LAP3: variants seen among roughly 807,000 people sequenced by gnomAD.
The protein encoded by LAP3 is cytosol aminopeptidase.
LAP3 carries 46 observed loss-of-function variants against 58.8 expected under a neutral mutation model. That is an observed-to-expected ratio of 0.78 (90% CI 0.62 to 1.00). The LOEUF (loss-of-function observed/expected upper bound fraction) is 1.00, where lower values mean the gene tolerates loss of function less well. Ranked by LOEUF, LAP3 falls within the 50% of genes least tolerant of loss-of-function variation. LAP3 has a pLI of 0.00. For synonymous variants in LAP3, 257 were observed against 237.7 expected (o/e 1.08, Z -0.75); for missense variants, 615 against 659.1 (o/e 0.93, Z 0.73).
intron 7 of LAP3, among the ~76,000 whole-genome samples, chr4:17,594,073 A>G (rs1713769928): frequency 6.6e-6 from 1 of 152,078 alleles, no homozygotes; most frequent in African/African-American, 2.4e-5. Flanking sequence ...TCCAAATGAC[A>G]GAGGGTAGTA....
intron 2 of LAP3, among the ~76,000 whole-genome samples, chr4:17,580,684 C>A (rs1052762195): frequency 8.5e-5 from 13 of 152,090 alleles, no homozygotes; most frequent in South Asian, 4.1e-4. Context: ...GGGTTTTGCT[C>A]TTTTATTGCC....
intron 10 of LAP3, among the ~76,000 whole-genome samples, chr4:17,602,899 C>G (rs1335200022): frequency 6.6e-6 from 1 of 151,812 alleles, no homozygotes; most frequent in African/African-American, 2.4e-5. Context: ...TCAGGCTGGT[C>G]TCGAACTCCT....
At chr4:17,603,263 G>A (rs1003937015) in intron 10 of LAP3, among the ~76,000 whole-genome samples, 1 of 151,834 alleles carries the variant, frequency 6.6e-6, no homozygotes, top group Non-Finnish European at 1.5e-5. Context: ...AGCTGAGATC[G>A]CACCACTGCA....
chr4:17,588,888 C>T lies in LAP3; in HGVS notation c.774C>T (p.Pro258=), dbSNP rs768260246. The T allele has an allele frequency of 7.4e-6, 12 of 1,614,048 alleles. No homozygotes were observed. The highest frequency in any genetic ancestry group is 1.0e-5 in the Non-Finnish European group (12 of 1,180,006). Residue 258 remains proline, a synonymous_variant, in exon 7 of 13, where the codon CCC becomes CCT. Coordinates refer to ENST00000226299, the MANE Select transcript of LAP3 (RefSeq NM_015907.3). Reference sequence around the variant, plus strand: ...GTGTGGCCAAAGGATCTGACGAGCCCCCAGTCTTCTTGGAAATTCACTACA... The same window carrying T: ...GTGTGGCCAAAGGATCTGACGAGCCTCCAGTCTTCTTGGAAATTCACTACA... ...FLSVAKGSDE[P]PVFLEIHYKG... is the part of the protein sequence containing the mutation.
chr4:17,577,945 G>A (rs966816627), intron 1 of LAP3, among the ~76,000 whole-genome samples: 2 of 152,226 alleles, frequency 1.3e-5, no homozygotes, highest in African/African-American at 4.8e-5. Context: ...GGTTTCTGAG[G>A]TCCCAGAGTC....
At chr4:17,579,645 T>C (rs1197161750) in intron 1 of LAP3, among the ~76,000 whole-genome samples, 179 bp from the exon 2 acceptor site, 2 of 152,166 alleles carry the variant, frequency 1.3e-5, no homozygotes, top group Non-Finnish European at 2.9e-5. Flanking sequence ...TCTGAAACAC[T>C]TGGGCAGGTG....
chr4:17,599,532 C>T (rs2109023316), intron 10 of LAP3, among the ~76,000 whole-genome samples: 1 of 150,484 alleles, frequency 6.6e-6, no homozygotes, highest in African/African-American at 2.5e-5. Context: ...GAGACTCCCT[C>T]TTAAAAAATA....
Position 17,577,384 on chromosome 4 carries a change from C to G in LAP3, c.-82C>G. The G allele has an allele frequency of 8.1e-6, 9 of 1,113,618 alleles. No individual in the cohort carries two copies. Among genetic ancestry groups the G allele is most frequent in the Non-Finnish European group, 1.1e-5 (9 of 821,820 alleles). The allele number at this position is 1,113,618 out of a possible 1,614,324, so 69.0% of individuals were successfully genotyped here. On this transcript the variant is annotated 5_prime_UTR_variant, in exon 1 of 13. Coordinates refer to ENST00000226299, the MANE Select transcript of LAP3 (RefSeq NM_015907.3). ...GTCCGCGCGCACGCCGTCTGCGCCC[C>G]GAAAGCCCCGCCCCAAGGCGCGCCC...
intron 10 of LAP3, among the ~76,000 whole-genome samples, chr4:17,603,891 A>G (rs982924503): frequency 6.9e-6 from 1 of 144,386 alleles, no homozygotes; most frequent in African/African-American, 2.6e-5. Flanking sequence ...CAATGGCATG[A>G]TCTCAGCTCA....
At chr4:17,605,696 A>T (rs1279596852) in intron 11 of LAP3, among the ~76,000 whole-genome samples, 1 of 152,058 alleles carries the variant, frequency 6.6e-6, no homozygotes, top group African/African-American at 2.4e-5. Flanking sequence ...CAGCCCCATC[A>T]TCTTCTTCCA....
At chr4:17,599,896 C>T (rs1713943851) in intron 10 of LAP3, among the ~76,000 whole-genome samples, 1 of 152,116 alleles carries the variant, frequency 6.6e-6, no homozygotes, top group African/African-American at 2.4e-5. Context: ...TTTCTTGGCC[C>T]TTTTGAGCAT....
chr4:17,605,223 G>T (rs1263311907), intron 11 of LAP3, among the ~76,000 whole-genome samples: 1 of 151,796 alleles, frequency 6.6e-6, no homozygotes, highest in Admixed American at 6.6e-5. Flanking sequence ...GAGGCAGCAG[G>T]TGACTCTGTG....
chr4:17,594,138 A>G (rs1447599652), intron 7 of LAP3, among the ~76,000 whole-genome samples: 1 of 151,992 alleles, frequency 6.6e-6, no homozygotes, highest in Non-Finnish European at 1.5e-5. Context: ...AGAGAGATTG[A>G]AAAAGTGAGC....
intron 5 of LAP3, among the ~76,000 whole-genome samples, chr4:17,584,590 T>C (rs1178641748): frequency 6.6e-6 from 1 of 152,232 alleles, no homozygotes; most frequent in Non-Finnish European, 1.5e-5. Flanking sequence ...CACTTGGGGC[T>C]GCAGCATTCC....
At chr4:17,583,684 T>C in intron 5 of LAP3, 42 bp downstream of exon 5, 1 of 1,609,954 alleles carries the variant, frequency 6.2e-7, no homozygotes, top group Non-Finnish European at 8.5e-7. Flanking sequence ...CTCCCTGGCG[T>C]TCTGACAGCC....
rs1454397745 is a variant in LAP3, at chr4:17,579,696, T to G, written c.103-128T>G. 5.8e-6 allele frequency: 3 copies of G among 517,692 alleles called. No homozygotes were observed. In the African/African-American group the frequency reaches 5.9e-5, roughly 10 times the overall value. 32.1% of individuals were successfully genotyped at this position (517,692 alleles called of 1,614,324 possible). ...CCAGCACCTGCTTCTTTTTTTGCTT[T>G]CTTCTGTCCATGGGGAGGACACGGT... On this transcript the variant is annotated intron_variant, in intron 1 of 12. Coordinates refer to ENST00000226299, the MANE Select transcript of LAP3 (RefSeq NM_015907.3).
intron 5 of LAP3, chr4:17,584,691 G>A: frequency 3.7e-6 from 1 of 270,220 alleles, no homozygotes; most frequent in South Asian, 5.8e-5. Flanking sequence ...AGACCCCACA[G>A]CACAGGCCCT....
Position 17,585,070 on chromosome 4 carries a change from C to T in LAP3, c.638C>T (p.Thr213Ile). 6.2e-7 allele frequency: 1 copy of T among 1,613,982 alleles called. No homozygotes were observed. The highest frequency in any genetic ancestry group is 1.1e-5 in the South Asian group (1 of 91,078). Residue 213 changes from threonine (T) to isoleucine (I), a missense_variant, in exon 6 of 13, where the codon ACC (threonine) becomes ATC (isoleucine). By Grantham distance (89) the Thr-to-Ile change is moderately conservative (BLOSUM62 -1). Coordinates refer to ENST00000226299, the MANE Select transcript of LAP3 (RefSeq NM_015907.3). The stretch of plus-strand genomic sequence containing the variant: ...ACGCCAGCCAATGAGATGACGCCAA[C>T]CAGATTTGCTGAAATTATTGAGAAG... ...METPANEMTP[T>I]RFAEIIEKNL...
chr4:17,578,912 C>T (rs1225496777), intron 1 of LAP3, among the ~76,000 whole-genome samples: 1 of 152,120 alleles, frequency 6.6e-6, no homozygotes, highest in Admixed American at 6.5e-5. Context: ...GAACGGCATC[C>T]TAGAATATCT....
Sources: allele counts gnomAD v4.1 joint callset (sites outside exome capture counted in the v4.1 genomes callset), GRCh38; gene constraint gnomAD v4.1.1; transcripts MANE v1.5; gene names NCBI Gene and HGNC (gene_info 2026-07-23, HGNC 2026-07-21).